Variants in BBOX1 observed in about 807,000 individuals in gnomAD.
BBOX1 encodes gamma-butyrobetaine hydroxylase 1, also known as gamma-butyrobetaine dioxygenase.
In BBOX1, 35 loss-of-function variants were observed where a neutral mutation model predicts 41.6. The ratio of observed to expected loss-of-function variants is 0.84; its 90% CI spans 0.64 to 1.11. The LOEUF (loss-of-function observed/expected upper bound fraction) is 1.11, where lower values mean the gene tolerates loss of function less well. Ranked by LOEUF, BBOX1 falls within the 50% of genes most tolerant of loss-of-function variation. BBOX1 has a pLI of 0.00. For missense variants in BBOX1, 458 were observed against 460.6 expected, an observed-to-expected ratio of 0.99 and a Z score of 0.05; for synonymous variants, 163 against 154.7, an observed-to-expected ratio of 1.05 and a Z score of -0.40.
chr11:27,044,735 G>T (rs960893719), intron 2 of BBOX1, among the ~76,000 whole-genome samples: 6 of 152,172 alleles, frequency 3.9e-5, no homozygotes, highest in Non-Finnish European at 8.8e-5. Flanking sequence ...TCAAAGATCA[G>T]ATGGTTATAG....
At chr11:27,110,265 A>T (rs1214334928) in intron 5 of BBOX1, among the ~76,000 whole-genome samples, 1 of 151,880 alleles carries the variant, frequency 6.6e-6, no homozygotes, top group Non-Finnish European at 1.5e-5. Context: ...AGTACCATCT[A>T]CCCCTTACTC....
intron 2 of BBOX1, among the ~76,000 whole-genome samples, chr11:27,042,247 A>G (rs1851365247): frequency 1.3e-5 from 2 of 152,240 alleles, no homozygotes; most frequent in Non-Finnish European, 2.9e-5. Context: ...TTTCCTTTGT[A>G]TAATTTACAA....
chr11:27,066,799 T>TTTTAAG (rs1165506088), intron 4 of BBOX1: 7 of 134,826 alleles, frequency 5.2e-5, no homozygotes, highest in African/African-American at 2.0e-4. Flanking sequence ...TTGATTTGCC[T>TTTTAAG]AATTTCTGGC....
chr11:27,065,535 G>A (rs1375242214), intron 4 of BBOX1, among the ~76,000 whole-genome samples: 2 of 152,110 alleles, frequency 1.3e-5, no homozygotes, highest in East Asian at 1.9e-4. Flanking sequence ...GAAGCACACT[G>A]CAGTGCCCTG....
chr11:27,115,205 T>C (rs1455445986), intron 5 of BBOX1, among the ~76,000 whole-genome samples: 3 of 151,862 alleles, frequency 2.0e-5, no homozygotes, highest in African/African-American at 7.2e-5. Context: ...ATATACTTCT[T>C]TATAAACTGT....
At chr11:27,086,439 C>CA (rs1370807185) in intron 4 of BBOX1, among the ~76,000 whole-genome samples, 3 of 152,070 alleles carry the variant, frequency 2.0e-5, no homozygotes, top group Non-Finnish European at 4.4e-5. Context: ...AATGGAAAAA[C>CA]AAAACCTGGA....
chr11:27,091,179 C>G (rs926570880), intron 4 of BBOX1, among the ~76,000 whole-genome samples: 10 of 151,910 alleles, frequency 6.6e-5, no homozygotes, highest in African/African-American at 2.4e-4. Context: ...TTCAGCCAGT[C>G]CCTCCATTCA....
intron 4 of BBOX1, among the ~76,000 whole-genome samples, chr11:27,081,383 A>G (rs1323095714): frequency 6.6e-6 from 1 of 152,044 alleles, no homozygotes; most frequent in Non-Finnish European, 1.5e-5. Context: ...ATGGACATGA[A>G]CTCATCCTTT....
At chr11:27,121,199 AG>A (rs1274678428) in intron 7 of BBOX1, among the ~76,000 whole-genome samples, 3 of 152,102 alleles carry the variant, frequency 2.0e-5, no homozygotes, top group Admixed American at 2.0e-4. Context: ...AAGTTCTAAA[AG>A]GGTCCTAAGG....
chr11:27,092,857 A>G (rs768651576), intron 4 of BBOX1, among the ~76,000 whole-genome samples: 1 of 152,000 alleles, frequency 6.6e-6, no homozygotes, highest in African/African-American at 2.4e-5. Context: ...AGCAGTGTCC[A>G]TGAAGAGAAG....
At chr11:27,123,472 C>A (rs112889841) in intron 7 of BBOX1, among the ~76,000 whole-genome samples, 1 of 151,866 alleles carries the variant, frequency 6.6e-6, no homozygotes, top group Non-Finnish European at 1.5e-5. Flanking sequence ...CTGAAACAGA[C>A]GACCCCCCCA....
intron 3 of BBOX1, among the ~76,000 whole-genome samples, chr11:27,056,117 A>C (rs1856971936): frequency 6.6e-6 from 1 of 152,192 alleles, no homozygotes; most frequent in Admixed American, 6.5e-5. Context: ...CACCTGAAAA[A>C]AATGAGAATA....
At chr11:27,093,755 C>T (rs1313206870) in intron 5 of BBOX1, among the ~76,000 whole-genome samples, 1 of 151,978 alleles carries the variant, frequency 6.6e-6, no homozygotes, top group African/African-American at 2.4e-5. Flanking sequence ...TGTCTTGTGG[C>T]ATGCAGATGA....
At position 27,092,081 on chromosome 11, in the gene BBOX1, C is replaced by T. The variant is rs145194247; in HGVS notation, c.335-1087C>T. On this transcript the variant is annotated intron_variant, in intron 4 of 8. Coordinates refer to ENST00000263182, the MANE Select transcript of BBOX1 (RefSeq NM_003986.3). ...TTTTACTACTAAAGCCACTATCTGA[C>T]GCCTACAAAAATTCCTATTTCTGCA... Among the ~76,000 whole-genome samples the T allele has an allele frequency of 2.1e-3, 322 of 152,054 alleles. 2 individuals are homozygous for T. The highest frequency in any genetic ancestry group is 7.3e-3 in the African/African-American group (302 of 41,552).
intron 4 of BBOX1, among the ~76,000 whole-genome samples, chr11:27,062,632 C>G (rs1174279426): frequency 6.6e-6 from 1 of 151,914 alleles, no homozygotes; most frequent in East Asian, 1.9e-4. Context: ...GATCTCGGCT[C>G]ACTGCAACCT....
chr11:27,044,206 T>C (rs1437536954), intron 2 of BBOX1, among the ~76,000 whole-genome samples: 1 of 152,218 alleles, frequency 6.6e-6, no homozygotes, highest in Non-Finnish European at 1.5e-5. Context: ...GACGATGAGC[T>C]TTTCTTCATA....
chr11:27,043,427 T>G (rs1222949672), intron 2 of BBOX1, among the ~76,000 whole-genome samples: 3 of 152,088 alleles, frequency 2.0e-5, no homozygotes, highest in Non-Finnish European at 4.4e-5. Flanking sequence ...ACGTTTGGGG[T>G]ACATGTGCAG....
chr11:27,093,457 A>G, intron 5 of BBOX1, 91 bp downstream of exon 5: 1 of 1,278,072 alleles, frequency 7.8e-7, no homozygotes, highest in Admixed American at 2.0e-5. Flanking sequence ...GAAGATACAG[A>G]AATTCTCATA....
intron 5 of BBOX1, 56 bp downstream of exon 5, chr11:27,093,422 C>G (rs1429741575): frequency 2.6e-6 from 4 of 1,556,894 alleles, no homozygotes; most frequent in Admixed American, 3.4e-5. Flanking sequence ...GAAATAGTTC[C>G]CAACTGAGGA....
Sources: gnomAD v4.1 joint callset for allele counts (sites outside exome capture counted in the v4.1 genomes callset) on GRCh38, gnomAD v4.1.1 for gene constraint, MANE v1.5 for transcripts, NCBI Gene and HGNC (gene_info 2026-07-23, HGNC 2026-07-21) for gene names.